The following AP4E1 variants were observed in gnomAD, a reference collection of about 807,000 sequenced individuals.
AP4E1 encodes the protein adaptor related protein complex 4 subunit epsilon 1.
AP4E1 carries 56 observed loss-of-function variants against 128.2 expected under a neutral mutation model. The observed-to-expected ratio is 0.44, with a 90% CI of 0.35 to 0.55. AP4E1 has a LOEUF of 0.55. Among genes scored for constraint, AP4E1 ranks in the 20% least tolerant of loss-of-function variants. The pLI is 0.00. For missense variants in AP4E1, 1,324 were observed against 1,307.7 expected, an observed-to-expected ratio of 1.01 and a Z score of -0.19; for synonymous variants, 484 against 473.1, an observed-to-expected ratio of 1.02 and a Z score of -0.30.
intron 16 of AP4E1, among the ~76,000 whole-genome samples, chr15:50,988,167 C>A (rs2064754675): frequency 2.0e-5 from 3 of 152,172 alleles, no homozygotes; most frequent in South Asian, 2.1e-4. Flanking sequence ...AGGCCAGATG[C>A]CCCTAAACTT....
chr15:50,998,256 T>TC (rs1197158965), intron 18 of AP4E1, among the ~76,000 whole-genome samples: 1 of 152,118 alleles, frequency 6.6e-6, no homozygotes, highest in African/African-American at 2.4e-5. Context: ...CCCAGTTTCT[T>TC]CTATGAGCTA....
intron 15 of AP4E1, among the ~76,000 whole-genome samples, chr15:50,971,403 G>A (rs2064475895): frequency 6.6e-6 from 1 of 152,096 alleles, no homozygotes; most frequent in Non-Finnish European, 1.5e-5. Flanking sequence ...TTGACAGTTT[G>A]ACTAAAATGT....
intron 15 of AP4E1, among the ~76,000 whole-genome samples, chr15:50,980,186 A>G (rs2064623232): frequency 1.3e-5 from 2 of 152,216 alleles, no homozygotes; most frequent in Non-Finnish European, 2.9e-5. Context: ...CTCTAAGTTC[A>G]TTAAATGTAT....
At position 50,958,478 on chromosome 15, in the gene AP4E1, T is replaced by A; in HGVS notation, c.1549-14T>A. 6.3e-7 allele frequency: 1 copy of A among 1,597,116 alleles called. No homozygotes were observed. On this transcript the variant is annotated splice_polypyrimidine_tract_variant and intron_variant, in intron 13 of 20. Coordinates refer to ENST00000261842, the MANE Select transcript of AP4E1 (RefSeq NM_007347.5). ...TGATATTTCTATATGAATATCTCTT[T>A]GTTTTATTTACAGGTATTAGGGGAA... is the stretch of plus-strand genomic sequence containing the variant.
chr15:50,924,448 A>G (rs1443565750), intron 4 of AP4E1, among the ~76,000 whole-genome samples: 1 of 152,148 alleles, frequency 6.6e-6, no homozygotes. Flanking sequence ...TAGAGATAAT[A>G]AAAACAATCC....
At chr15:50,946,016 TC>T in intron 10 of AP4E1, 8 of 900,742 alleles carry the variant, frequency 8.9e-6, no homozygotes, top group Non-Finnish European at 1.5e-5. Context: ...TTCCTAACAA[TC>T]CTGATGTACA....
Position 50,999,207 on chromosome 15 carries a change from A to G in AP4E1, c.3040A>G (p.Thr1014Ala). ...TTTTATTAGTTATCATATGATGGATACTCATTCTGCTCAGCTGGAATTTTC... is the reference window on the plus strand; with the variant it reads ...TTTTATTAGTTATCATATGATGGATGCTCATTCTGCTCAGCTGGAATTTTC... ...TGFISYHMMDTHSAQLEFSVN... is the reference protein window; with the variant it reads ...TGFISYHMMDAHSAQLEFSVN... Residue 1014 changes from threonine (T) to alanine (A), a missense_variant, in exon 19 of 21, where the codon ACT (threonine) becomes GCT (alanine). By Grantham distance (58) the Thr-to-Ala change is moderately conservative. Coordinates refer to ENST00000261842, the MANE Select transcript of AP4E1 (RefSeq NM_007347.5). The G allele has an allele frequency of 6.2e-7, 1 of 1,613,188 alleles. No homozygotes were observed. Among genetic ancestry groups the G allele is most frequent in the South Asian group, 1.1e-5 (1 of 90,986 alleles).
chr15:50,940,901 G>A (rs759450934), intron 8 of AP4E1, among the ~76,000 whole-genome samples: 1 of 151,964 alleles, frequency 6.6e-6, no homozygotes, highest in Non-Finnish European at 1.5e-5. Context: ...TTATGAGTAG[G>A]GACTGTATCT....
At chr15:50,915,385 C>A (rs972855385) in intron 2 of AP4E1, 63 bp from the exon 3 acceptor site, 166 of 1,525,524 alleles carry the variant, frequency 1.1e-4, no homozygotes, top group Non-Finnish European at 7.0e-5. Context: ...ATTATGAGAA[C>A]ATAGTTAAAA....
At chr15:50,989,162 G>A (rs1339493746) in intron 16 of AP4E1, among the ~76,000 whole-genome samples, 2 of 152,170 alleles carry the variant, frequency 1.3e-5, no homozygotes, top group Admixed American at 1.3e-4. Flanking sequence ...ATATTCTGAT[G>A]CGACAGTAAA....
chr15:50,938,392 C>T (rs1433487298), intron 8 of AP4E1, among the ~76,000 whole-genome samples: 1 of 152,140 alleles, frequency 6.6e-6, no homozygotes, highest in Non-Finnish European at 1.5e-5. Context: ...GACCCATCCC[C>T]TCCAGCAAAG....
intron 15 of AP4E1, among the ~76,000 whole-genome samples, chr15:50,974,128 G>T (rs2064519631): frequency 6.6e-6 from 1 of 152,242 alleles, no homozygotes; most frequent in Admixed American, 6.5e-5. Context: ...ACCACACCTG[G>T]CTAATTGTTG....
At chr15:50,923,253 T>C (rs1460766606) in intron 3 of AP4E1, among the ~76,000 whole-genome samples, 1 of 152,256 alleles carries the variant, frequency 6.6e-6, no homozygotes, top group African/African-American at 2.4e-5. Context: ...TATATGTACA[T>C]GGCATTTGTT....
At chr15:50,999,684 G>A (rs2064932146) in intron 19 of AP4E1, among the ~76,000 whole-genome samples, 1 of 151,996 alleles carries the variant, frequency 6.6e-6, no homozygotes, top group African/African-American at 2.4e-5. Flanking sequence ...TAAGAAAATT[G>A]CTTGACATAG....
At chr15:50,926,940 A>T (rs55920356) in intron 5 of AP4E1, among the ~76,000 whole-genome samples, 2,708 of 152,330 alleles carry the variant, frequency 0.018, 102 homozygotes, top group African/African-American at 0.062. Context: ...AGCTAAAATG[A>T]TAGCTTTTAC....
intron 5 of AP4E1, among the ~76,000 whole-genome samples, chr15:50,926,413 CAT>C (rs1247603650): frequency 6.6e-6 from 1 of 151,440 alleles, no homozygotes; most frequent in Non-Finnish European, 1.5e-5. Flanking sequence ...TGAGATTACA[CAT>C]GTGAGCCACT....
chr15:50,942,740 A>C (rs1470461270), intron 10 of AP4E1, among the ~76,000 whole-genome samples: 1 of 149,680 alleles, frequency 6.7e-6, no homozygotes, highest in Non-Finnish European at 1.5e-5. Flanking sequence ...CTTTTTGTAA[A>C]TTTGCTTCAA....
intron 2 of AP4E1, 64 bp downstream of exon 2, chr15:50,912,213 G>A (rs984060245): frequency 6.5e-6 from 9 of 1,379,512 alleles, no homozygotes; most frequent in Non-Finnish European, 9.3e-6. Context: ...GGACTCAATA[G>A]TGGCATCTAA....
chr15:50,961,086 T>C (rs1409552661), intron 14 of AP4E1, among the ~76,000 whole-genome samples: 2 of 151,922 alleles, frequency 1.3e-5, no homozygotes, highest in African/African-American at 4.8e-5. Context: ...ATAGAAAACC[T>C]GAATGAATAA....
Sources: allele counts gnomAD v4.1 joint callset (sites outside exome capture counted in the v4.1 genomes callset), GRCh38; gene constraint gnomAD v4.1.1; transcripts MANE v1.5; gene names NCBI Gene and HGNC (gene_info 2026-07-23, HGNC 2026-07-21).